STK17B: variants seen among roughly 807,000 people sequenced by gnomAD.
STK17B encodes serine/threonine kinase 17b.
Under a neutral mutation model 42.0 loss-of-function variants are expected in STK17B, and 21 were observed. The ratio of observed to expected loss-of-function variants is 0.50; its 90% CI spans 0.35 to 0.72. The LOEUF is 0.72. Ranked by LOEUF, STK17B falls within the 30% of genes least tolerant of loss-of-function variation. The pLI, the probability that STK17B is intolerant of heterozygous loss-of-function variation, is 0.00. For missense variants in STK17B, 349 were observed against 446.0 expected (o/e 0.78, Z 1.96); for synonymous variants, 143 against 148.4 (o/e 0.96, Z 0.26).
At chr2:196,147,985 C>T (rs1369171493) in intron 3 of STK17B, among the ~76,000 whole-genome samples, 70 of 152,086 alleles carry the variant, frequency 4.6e-4, no homozygotes, top group Non-Finnish European at 1.0e-4. Flanking sequence ...ATCTTGGCCT[C>T]CCAAAGTGTT....
At chr2:196,142,145 A>G (rs10207644) in intron 5 of STK17B, among the ~76,000 whole-genome samples, 97,545 of 151,890 alleles carry the variant, frequency 0.64, 31,626 homozygotes, top group East Asian at 0.9. Context: ...TGCAACCTCC[A>G]CCTCTTGGAT....
At chr2:196,139,560 T>C (rs1699462513) in intron 7 of STK17B, 60 bp downstream of exon 7, 1 of 1,066,690 alleles carries the variant, frequency 9.4e-7, no homozygotes, top group Non-Finnish European at 1.2e-6. Context: ...TATTATTTAT[T>C]CTGTAATAGT....
At chr2:196,148,694 A>T (rs1575176537) in intron 3 of STK17B, among the ~76,000 whole-genome samples, 4 of 152,374 alleles carry the variant, frequency 2.6e-5, no homozygotes, top group Admixed American at 2.6e-4. Context: ...GTACAGCAAC[A>T]TAAATTGTTT....
chr2:196,150,876 C>T (rs1324027851), intron 3 of STK17B, among the ~76,000 whole-genome samples: 1 of 152,198 alleles, frequency 6.6e-6, no homozygotes, highest in Non-Finnish European at 1.5e-5. Context: ...TACCAATCTC[C>T]CTTTTTGGAG....
At chr2:196,175,354 G>A (rs1699988371), upstream of STK17B, among the ~76,000 whole-genome samples, 1 of 152,170 alleles carries the variant, frequency 6.6e-6, no homozygotes, top group South Asian at 2.1e-4. Context: ...CGCCAGGTGT[G>A]GTGGCTCATA....
chr2:196,165,322 A>G (rs974422891), intron 1 of STK17B, among the ~76,000 whole-genome samples: 1 of 152,214 alleles, frequency 6.6e-6, no homozygotes, highest in African/African-American at 2.4e-5. Flanking sequence ...AGCCTCCAGA[A>G]TCGTTGAGAA....
intron 1 of STK17B, among the ~76,000 whole-genome samples, chr2:196,166,940 C>T (rs1699881265): frequency 6.6e-6 from 1 of 152,024 alleles, no homozygotes; most frequent in South Asian, 2.1e-4. Flanking sequence ...TCATTAGCTC[C>T]CCAGTATCTA....
chr2:196,146,272 T>C (rs1699573756), intron 3 of STK17B, among the ~76,000 whole-genome samples: 1 of 152,152 alleles, frequency 6.6e-6, no homozygotes, highest in African/African-American at 2.4e-5. Flanking sequence ...TTTGGGAGGC[T>C]GAGATAGGCG....
Position 196,168,344 on chromosome 2 carries a change from T to C in STK17B, c.-45+2989A>G, listed in dbSNP as rs191054134. On this transcript the variant is annotated intron_variant, in intron 1 of 7. Transcript: ENST00000263955. ...GTTAATTGTGAACCAGGATAAAAGG[T>C]TGAAAAACGGAAATAGAGTGGGGGA... Among the ~76,000 whole-genome samples the C allele has an allele frequency of 1.6e-4, 24 of 152,204 alleles. No homozygotes were observed. In the South Asian group the frequency reaches 2.3e-3, roughly 14 times the overall value.
chr2:196,165,219 T>C (rs1483952651), intron 1 of STK17B, among the ~76,000 whole-genome samples: 3 of 152,120 alleles, frequency 2.0e-5, no homozygotes, highest in Non-Finnish European at 2.9e-5. Flanking sequence ...GGAAAGACTA[T>C]GTGAACACAC....
chr2:196,162,547 T>A (rs1022933883), intron 2 of STK17B, among the ~76,000 whole-genome samples: 12 of 151,966 alleles, frequency 7.9e-5, no homozygotes, highest in African/African-American at 2.7e-4. Context: ...AACAACCATA[T>A]AAGACAGACA....
Position 196,137,340 on chromosome 2 carries a change from A to C in STK17B, c.*107T>G. The C allele has an allele frequency of 8.3e-7, 1 of 1,202,380 alleles. No homozygotes were observed. Among genetic ancestry groups the C allele is most frequent in the Non-Finnish European group, 1.1e-6 (1 of 875,964 alleles). The allele number at this position is 1,202,380 out of a possible 1,614,324, so 74.5% of individuals were successfully genotyped here. ...ACTTCCCTAAATTATTCCATGGAAA[A>C]GTGCATTTACAATATAAACATGTCA... On this transcript the variant is annotated 3_prime_UTR_variant, in exon 8 of 8. Transcript: ENST00000263955.
chr2:196,164,112 CAAGAT>C (rs1699848135), intron 1 of STK17B, among the ~76,000 whole-genome samples: 1 of 151,706 alleles, frequency 6.6e-6, no homozygotes, highest in African/African-American at 2.4e-5. Flanking sequence ...TTTAATACGA[CAAGAT>C]AATAATTATT....
chr2:196,144,040 G>C, intron 4 of STK17B, among the ~76,000 whole-genome samples: 1 of 151,978 alleles, frequency 6.6e-6, no homozygotes, highest in East Asian at 1.9e-4. Flanking sequence ...ATGCTGGTTA[G>C]AAAGGTGCTC....
At chr2:196,159,274 CTTCTTATCTAATTGTT>C (rs1259438684) in intron 2 of STK17B, among the ~76,000 whole-genome samples, 2 of 149,848 alleles carry the variant, frequency 1.3e-5, no homozygotes, top group Non-Finnish European at 3.0e-5. Flanking sequence ...GTAAATAACA[CTTCTTATCTAATTGTT>C]CCAGGTATTA....
rs1699357485 is a variant in STK17B, at chr2:196,133,866, CA to C, written c.*3580del. The C allele has an allele frequency of 6.6e-6, 1 of 152,074 alleles. No homozygotes were observed. The highest frequency in any genetic ancestry group is 6.5e-5 in the Admixed American group (1 of 15,270). The allele number at this position is 152,074 out of a possible 1,614,324, so 9.4% of individuals were successfully genotyped here. The stretch of plus-strand genomic sequence containing the variant: ...GAAGTTGTAATTTATGGAAAATTTA[CA>C]ATTATTCTTTAAAATACTTTTATAA... On this transcript the variant is annotated 3_prime_UTR_variant, in exon 8 of 8. Transcript: ENST00000263955.
chr2:196,144,007 C>A (rs112160265), intron 4 of STK17B, among the ~76,000 whole-genome samples: 1 of 109,064 alleles, frequency 9.2e-6, no homozygotes, highest in Non-Finnish European at 2.0e-5. Context: ...AGAGATGATG[C>A]GTAAGCTGAG....
Position 196,139,750 on chromosome 2 carries a change from C to T in STK17B, c.706G>A (p.Val236Met). The T allele has an allele frequency of 6.9e-7, 1 of 1,447,998 alleles. No homozygotes were observed. The highest frequency in any genetic ancestry group is 1.8e-4 in the Middle Eastern group (1 of 5,502). 89.7% of individuals were successfully genotyped at this position (1,447,998 alleles called of 1,614,324 possible). Residue 236 changes from valine (V) to methionine (M), a missense_variant, in exon 7 of 8, where the codon GTG becomes ATG. By Grantham distance (21) the Val-to-Met change is conservative. Coordinates refer to ENST00000263955, the MANE Select transcript of STK17B (RefSeq NM_004226.4). ...YMLLTHTSPF[V>M]GEDNQETYLN... is the part of the protein sequence containing the mutation. The stretch of plus-strand genomic sequence containing the variant: ...TATGTTTCTTGATTATCTTCTCCCA[C>T]AAATGGTGATGTGTGAGTTAACAAC...
chr2:196,170,840 T>C (rs893287257), intron 1 of STK17B: 1 of 152,234 alleles, frequency 6.6e-6, no homozygotes, highest in South Asian at 2.1e-4. Context: ...GAACTTTCTC[T>C]AGACGAAAGG....
Sources: allele counts gnomAD v4.1 joint callset (sites outside exome capture counted in the v4.1 genomes callset), GRCh38; gene constraint gnomAD v4.1.1; transcripts MANE v1.5; gene names NCBI Gene and HGNC (gene_info 2026-07-23, HGNC 2026-07-21).